The following FARS2 variants were observed in gnomAD, a reference collection of about 807,000 sequenced individuals.
FARS2 encodes phenylalanyl-tRNA synthetase 2, mitochondrial, also known as phenylalanine--tRNA ligase, mitochondrial.
Under a neutral mutation model 46.4 loss-of-function variants are expected in FARS2, and 40 were observed. That is an observed-to-expected ratio of 0.86 (90% CI 0.67 to 1.12). The LOEUF (loss-of-function observed/expected upper bound fraction) is 1.12. Among genes scored for constraint, FARS2 ranks in the 50% most tolerant of loss-of-function variants. The probability of loss-of-function intolerance (pLI) is 0.00; values close to 1 mark genes in which losing one functional copy is unlikely to be tolerated. For missense variants in FARS2, 513 were observed against 567.9 expected (o/e 0.90, Z 0.98); for synonymous variants, 234 against 214.9 (o/e 1.09, Z -0.78).
rs398000284 is a variant in FARS2 at position 5,405,480 on chromosome 6, C to CTTTTTTTTTTTTTTTTTTTTTTTT, written c.772+781_772+804dup. On this transcript the variant is annotated intron_variant, in intron 3 of 6. Coordinates refer to ENST00000274680, the MANE Select transcript of FARS2 (RefSeq NM_006567.5). The stretch of plus-strand genomic sequence containing the variant: ...AGGACGTGATCAGTGGAGCAAGGTT[C>CTTTTTTTTTTTTTTTTTTTTTTTT]TTTTTTTTTTTTTTTTTTTTTTTTT... 6.8e-5 allele frequency among the ~76,000 whole-genome samples: 4 copies of CTTTTTTTTTTTTTTTTTTTTTTTT among 58,952 alleles called. 1 individual carries two copies. Among genetic ancestry groups the CTTTTTTTTTTTTTTTTTTTTTTTT allele is most frequent in the African/African-American group, 1.3e-4 (2 of 15,400 alleles). 38.7% of individuals were successfully genotyped at this position (58,952 alleles called of 152,430 possible).
At chr6:5,354,286 G>A (rs1757774179) in intron 1 of FARS2, among the ~76,000 whole-genome samples, 1 of 152,074 alleles carries the variant, frequency 6.6e-6, no homozygotes, top group African/African-American at 2.4e-5. Flanking sequence ...GAAAGCCTGA[G>A]ACTCAGAGGG....
At chr6:5,544,552 A>G (rs1019579327) in intron 4 of FARS2, among the ~76,000 whole-genome samples, 3 of 152,158 alleles carry the variant, frequency 2.0e-5, no homozygotes, top group South Asian at 2.1e-4. Context: ...AATTTATGGC[A>G]CTGACACAAT....
intron 6 of FARS2, among the ~76,000 whole-genome samples, chr6:5,726,008 G>C (rs1373543821): frequency 6.6e-6 from 1 of 152,204 alleles, no homozygotes; most frequent in Non-Finnish European, 1.5e-5. Flanking sequence ...ATAGGCATTG[G>C]AAGGAGGTGG....
chr6:5,406,112 A>G (rs1284927475), intron 3 of FARS2, among the ~76,000 whole-genome samples: 1 of 152,188 alleles, frequency 6.6e-6, no homozygotes, highest in Non-Finnish European at 1.5e-5. Flanking sequence ...AATTGTGACT[A>G]TCTTTAAGAA....
chr6:5,286,370 C>T (rs1767110700), intron 1 of FARS2, among the ~76,000 whole-genome samples: 1 of 152,120 alleles, frequency 6.6e-6, no homozygotes, highest in Non-Finnish European at 1.5e-5. Flanking sequence ...TCAAGTGATC[C>T]TCCTGCCTCA....
At chr6:5,347,876 T>C (rs566499275) in intron 1 of FARS2, among the ~76,000 whole-genome samples, 1 of 152,352 alleles carries the variant, frequency 6.6e-6, no homozygotes, top group Non-Finnish European at 1.5e-5. Flanking sequence ...ATAATAATGA[T>C]GGTGATAACT....
Position 5,771,346 on chromosome 6 carries a change from C to G in FARS2, c.1273C>G (p.Leu425Val). 1.9e-6 allele frequency: 3 copies of G among 1,614,156 alleles called. No homozygotes were observed. The highest frequency in any genetic ancestry group is 2.5e-6 in the Non-Finnish European group (3 of 1,179,980). The change falls in exon 7 of 7, where the codon CTG (leucine) becomes GTG (valine). Residue 425 changes from leucine (L) to valine (V), a missense_variant. Leu to Val is a conservative substitution (Grantham distance 32). Coordinates refer to ENST00000274680, the MANE Select transcript of FARS2 (RefSeq NM_006567.5). ...RITYRHMERT[L>V]SQREVRHIHQ... Reference sequence around the variant, plus strand: ...CACGTACCGCCACATGGAACGGACTCTGTCCCAGAGAGAGGTCAGGCACAT... The same window carrying G: ...CACGTACCGCCACATGGAACGGACTGTGTCCCAGAGAGAGGTCAGGCACAT...
At chr6:5,269,571 C>T (rs1300448539) in intron 1 of FARS2, among the ~76,000 whole-genome samples, 2 of 151,336 alleles carry the variant, frequency 1.3e-5, no homozygotes, top group Admixed American at 1.3e-4. Context: ...ATTTGAAGTT[C>T]TGATTGACTT....
chr6:5,412,086 G>T (rs1296383352), intron 3 of FARS2, among the ~76,000 whole-genome samples: 2 of 152,114 alleles, frequency 1.3e-5, no homozygotes, highest in African/African-American at 4.8e-5. Context: ...GGACCCTTGG[G>T]GGAGTCATGT....
chr6:5,356,014 G>A (rs879297874), intron 1 of FARS2, among the ~76,000 whole-genome samples: 3 of 152,170 alleles, frequency 2.0e-5, no homozygotes, highest in Non-Finnish European at 2.9e-5. Context: ...TGCCCGATGC[G>A]CATGTTCCCA....
intron 4 of FARS2, among the ~76,000 whole-genome samples, chr6:5,494,377 C>T (rs1767321054): frequency 6.6e-6 from 1 of 152,178 alleles, no homozygotes; most frequent in Non-Finnish European, 1.5e-5. Flanking sequence ...CCTGTAGCCG[C>T]AGGACTGGAA....
chr6:5,544,162 T>A (rs1218267119), intron 4 of FARS2, among the ~76,000 whole-genome samples: 2 of 152,308 alleles, frequency 1.3e-5, no homozygotes, highest in Non-Finnish European at 2.9e-5. Context: ...CTCTCTGAGC[T>A]CCTTTAGGAC....
chr6:5,573,227 C>T (rs1772759352), intron 5 of FARS2, among the ~76,000 whole-genome samples: 1 of 152,178 alleles, frequency 6.6e-6, no homozygotes, highest in African/African-American at 2.4e-5. Context: ...CCCCTTCCCT[C>T]ACTGAGATTA....
Position 5,493,970 on chromosome 6 carries a change from A to G in FARS2, c.905-51210A>G, listed in dbSNP as rs1020924350. 5.9e-5 allele frequency among the ~76,000 whole-genome samples: 9 copies of G among 152,340 alleles called. No homozygotes were observed. In the South Asian group the frequency reaches 1.0e-3, roughly 18 times the overall value. On this transcript the variant is annotated intron_variant, in intron 4 of 6. Coordinates refer to ENST00000274680, the MANE Select transcript of FARS2 (RefSeq NM_006567.5). Reference sequence around the variant, plus strand: ...GTTTAAAGACACAGTGGACAGTGTCATGTGATACAATGACAGTGAGTGCCA... The same window carrying G: ...GTTTAAAGACACAGTGGACAGTGTCGTGTGATACAATGACAGTGAGTGCCA...
chr6:5,546,459 C>T (rs530553970), intron 5 of FARS2, among the ~76,000 whole-genome samples: 15 of 151,568 alleles, frequency 9.9e-5, no homozygotes, highest in East Asian at 3.9e-4. Context: ...ACCATGTTGG[C>T]CAGGCTGGTC....
chr6:5,563,676 T>C (rs1181208823), intron 5 of FARS2, among the ~76,000 whole-genome samples: 3 of 152,140 alleles, frequency 2.0e-5, no homozygotes, highest in Non-Finnish European at 4.4e-5. Flanking sequence ...GGCATGTCCA[T>C]GTGTGTGTGG....
chr6:5,717,929 T>TAC (rs372348270), intron 6 of FARS2, among the ~76,000 whole-genome samples: 1 of 105,034 alleles, frequency 9.5e-6, no homozygotes, highest in African/African-American at 6.0e-5. Flanking sequence ...TATATATATA[T>TAC]ATATATACAG....
chr6:5,289,917 A>G (rs531094740), intron 1 of FARS2, among the ~76,000 whole-genome samples: 12 of 152,294 alleles, frequency 7.9e-5, no homozygotes, highest in African/African-American at 2.4e-4. Flanking sequence ...TCCAAACCCT[A>G]TTCTCCTGCC....
At chr6:5,347,173 C>T (rs572825200) in intron 1 of FARS2, among the ~76,000 whole-genome samples, 7 of 152,302 alleles carry the variant, frequency 4.6e-5, no homozygotes, top group African/African-American at 1.4e-4. Flanking sequence ...CTTGGCCCCC[C>T]GAAGTGTGGG....
Sources: allele counts gnomAD v4.1 joint callset (sites outside exome capture counted in the v4.1 genomes callset), GRCh38; gene constraint gnomAD v4.1.1; transcripts MANE v1.5; gene names NCBI Gene and HGNC (gene_info 2026-07-23, HGNC 2026-07-21).